G6PD: variants seen among roughly 807,000 people sequenced by gnomAD.
The protein encoded by G6PD is glucose-6-phosphate dehydrogenase.
G6PD carries 2 observed loss-of-function variants against 38.2 expected under a neutral mutation model. The observed-to-expected ratio is 0.05, with a 90% CI of 0.02 to 0.16. G6PD has a LOEUF of 0.16. Ranked by LOEUF, G6PD falls within the 10% of genes least tolerant of loss-of-function variation. G6PD has a pLI of 1.00. For synonymous variants in G6PD, 188 were observed against 196.0 expected (o/e 0.96, Z 0.34); for missense variants, 310 against 471.6 (o/e 0.66, Z 3.17).
At chrX:154,536,589 CT>C (rs2070411067) in intron 2 of G6PD, among the ~76,000 whole-genome samples, 1 of 112,376 alleles carries the variant, frequency 8.9e-6, no homozygotes, top group Admixed American at 9.4e-5. Context: ...AATCCCAGCA[CT>C]TTGGGAGGCT....
At position 154,542,172 on chromosome X, in the gene G6PD, G is replaced by A. The variant is rs2070527558; in HGVS notation, c.120+3864C>T. The A allele has an allele frequency of 7.0e-6, 4 of 573,306 alleles. No individual in the cohort carries two copies. The East Asian group carries it at 1.5e-4, about 22-fold the overall frequency. The allele number at this position is 573,306 out of a possible 1,213,427, so 47.2% of individuals were successfully genotyped here. A position where few individuals can be genotyped will look rare whatever the true frequency, so the allele number is the denominator to read the frequency against. ...TCAGACCAATGGGGAAGTCAGCCCA[G>A]AAATGTTCTGAGGAAAGGGGAGGCG... On this transcript the variant is annotated intron_variant, in intron 2 of 12. Coordinates refer to ENST00000393562, the MANE Select transcript of G6PD (RefSeq NM_001360016.2).
upstream of G6PD, chrX:154,547,163 C>G (rs781841252): frequency 3.2e-5 from 6 of 189,563 alleles, no homozygotes; most frequent in Non-Finnish European, 4.9e-5. Flanking sequence ...CCCCTACTGT[C>G]CGGTTTCCCC....
At chrX:154,541,534 T>C (rs1557231907) in intron 2 of G6PD, 2 of 112,032 alleles carry the variant, frequency 1.8e-5, no homozygotes, top group Non-Finnish European at 3.8e-5. Context: ...GATGCTCTAG[T>C]GGGACTTTCT....
At chrX:154,540,638 G>GAAAA (rs34859682) in intron 2 of G6PD, among the ~76,000 whole-genome samples, 2 of 64,390 alleles carry the variant, frequency 3.1e-5, no homozygotes, top group Non-Finnish European at 5.4e-5. Context: ...TCCATGTCAC[G>GAAAA]AAAAAAAAAA....
At position 154,533,440 on chromosome X, in the gene G6PD, G is replaced by A. The variant is rs2070366166; in HGVS notation, c.864+136C>T. Reference sequence around the variant, plus strand: ...CTGCCAGTCCAGGTCACCTCCGGGAGGCCACGCTGTGCTCAGAGGTGGTGA... The same window carrying A: ...CTGCCAGTCCAGGTCACCTCCGGGAAGCCACGCTGTGCTCAGAGGTGGTGA... On this transcript the variant is annotated intron_variant, in intron 8 of 12. Coordinates refer to ENST00000393562, the MANE Select transcript of G6PD (RefSeq NM_001360016.2). The A allele has an allele frequency of 1.8e-5, 14 of 774,635 alleles. No homozygotes were observed. In the South Asian group the frequency reaches 1.8e-4, roughly 10 times the overall value. The allele number at this position is 774,635 out of a possible 1,213,427, so 63.8% of individuals were successfully genotyped here.
At position 154,534,511 on chromosome X, in the gene G6PD, G is replaced by A; in HGVS notation, c.486-15C>T. The A allele has an allele frequency of 8.3e-7, 1 of 1,210,379 alleles. No individual in the cohort carries two copies. The highest frequency in any genetic ancestry group is 1.1e-6 in the Non-Finnish European group (1 of 895,330). On this transcript the variant is annotated splice_polypyrimidine_tract_variant and intron_variant, in intron 5 of 12. Transcript: ENST00000393562. ...GGTTCCAGCCTCTGCTGGGAGCCCG[G>A]AGCTGCGTTACCCCCTTGAACCCCT...
chrX:154,542,223 AG>A (rs1557232075), intron 2 of G6PD: 1 of 912,739 alleles, frequency 1.1e-6, no homozygotes, highest in Non-Finnish European at 1.5e-6. Flanking sequence ...TCCCTCCCAC[AG>A]GCCCATCATT....
intron 2 of G6PD, 42 bp from the exon 3 acceptor site, chrX:154,536,220 G>A: frequency 1.7e-6 from 2 of 1,169,513 alleles, no homozygotes; most frequent in Non-Finnish European, 2.3e-6. Context: ...AGTGGCTGGG[G>A]ACACGACCTA....
intron 2 of G6PD, among the ~76,000 whole-genome samples, chrX:154,544,201 C>T (rs2070617884): frequency 9.7e-6 from 1 of 102,898 alleles, no homozygotes; most frequent in African/African-American, 3.6e-5. Flanking sequence ...CTCGCTCTGT[C>T]GCCAGGCTGG....
In G6PD at chrX:154,533,606, G is replaced by A. The variant is rs2070368981; in HGVS notation, c.834C>T (p.Ser278=). 6 of 1,210,876 alleles carry A rather than the reference G, an allele frequency of 5.0e-6. No individual in the cohort carries two copies. Among genetic ancestry groups the A allele is most frequent in the South Asian group, 3.5e-5 (2 of 56,921 alleles). The part of the protein sequence containing the change: ...LCLVAMEKPA[S]TNSDDVRDEK... The stretch of plus-strand genomic sequence containing the variant: ...CATCACGGACGTCATCTGAGTTGGT[G>A]GAGGCGGGCTTCTCCATGGCCACCA... The change falls in exon 8 of 13, where the codon TCC becomes TCT. Residue 278 remains serine, a synonymous_variant. Transcript: ENST00000393562.
At chrX:154,534,608 G>C (rs1253983343) in intron 5 of G6PD, 112 bp from the exon 6 acceptor site, 7 of 920,759 alleles carry the variant, frequency 7.6e-6, no homozygotes, top group African/African-American at 1.9e-5. Context: ...GAACCTCCTC[G>C]CCCCCGTGGC....
chrX:154,540,197 G>A (rs782340540), intron 2 of G6PD, among the ~76,000 whole-genome samples: 43 of 109,021 alleles, frequency 3.9e-4, no homozygotes, highest in Non-Finnish European at 6.9e-4. Context: ...CAGGCCAGGC[G>A]CGGTGGCTCA....
intron 2 of G6PD, among the ~76,000 whole-genome samples, chrX:154,538,396 A>G (rs2070435346): frequency 8.9e-6 from 1 of 112,729 alleles, no homozygotes; most frequent in African/African-American, 3.2e-5. Flanking sequence ...ACATCTGTAA[A>G]TAAAAAGTTG....
Position 154,535,822 on chromosome X carries a change from C to T in G6PD, c.267+115G>A. 4 of 599,770 alleles carry T rather than the reference C, an allele frequency of 6.7e-6. No homozygotes were observed. In the Middle Eastern group the frequency reaches 1.4e-3, roughly 207 times the overall value. The allele number at this position is 599,770 out of a possible 1,213,427, so 49.4% of individuals were successfully genotyped here. A position where few individuals can be genotyped will look rare whatever the true frequency, so the allele number is the denominator to read the frequency against. ...AAGTACGAGAGCAGGCGGGGCGGGG[C>T]AGGAGAGGAGGAGAGCATCCCGGGA... On this transcript the variant is annotated intron_variant, in intron 4 of 12. Coordinates refer to ENST00000393562, the MANE Select transcript of G6PD (RefSeq NM_001360016.2).
At position 154,533,629 on chromosome X, in the gene G6PD, C is replaced by T; in HGVS notation, c.811G>A (p.Val271Met). ...QNHLLQMLCLVAMEKPASTNS... is the reference protein window; with the variant it reads ...QNHLLQMLCLMAMEKPASTNS... ...GTGGAGGCGGGCTTCTCCATGGCCA[C>T]CAGACACAGCATCTGCAGTAGGTGG... is the stretch of plus-strand genomic sequence containing the variant. The change falls in exon 8 of 13, where the codon GTG becomes ATG. Residue 271 changes from valine to methionine, a missense_variant. Val to Met is a conservative substitution (Grantham distance 21). Transcript: ENST00000393562. The T allele has an allele frequency of 8.2e-7, 1 of 1,212,125 alleles. No homozygotes were observed. The highest frequency in any genetic ancestry group is 1.8e-5 in the South Asian group (1 of 57,040).
Position 154,540,900 on chromosome X carries a change from C to T in G6PD, c.121-4722G>A, listed in dbSNP as rs187223853. 2.7e-4 allele frequency among the ~76,000 whole-genome samples: 30 copies of T among 111,200 alleles called. No individual in the cohort carries two copies. The Admixed American group carries it at 2.8e-3, about 10-fold the overall frequency. ...GGTGAGCTCGGTGCCAGGACTACAG[C>T]GACACGGACCTCTCACTGCTGCACC... On this transcript the variant is annotated intron_variant, in intron 2 of 12. Coordinates refer to ENST00000393562, the MANE Select transcript of G6PD (RefSeq NM_001360016.2).
rs112950723 is a variant in G6PD at position 154,531,728 on chromosome X, C to T, written c.*272G>A. 1 of 426,778 alleles carries T rather than the reference C, an allele frequency of 2.3e-6. No homozygotes were observed. Among genetic ancestry groups the T allele is most frequent in the East Asian group, 4.0e-5 (1 of 25,316 alleles). 35.2% of individuals were successfully genotyped at this position (426,778 alleles called of 1,213,427 possible). A position where few individuals can be genotyped will look rare whatever the true frequency, so the allele number is the denominator to read the frequency against. On this transcript the variant is annotated 3_prime_UTR_variant, in exon 13 of 13. Coordinates refer to ENST00000393562, the MANE Select transcript of G6PD (RefSeq NM_001360016.2). The stretch of plus-strand genomic sequence containing the variant: ...GGACAGACGAATGGGCGCCCTCCTC[C>T]TTCCTTCTGTTGGGCTGGAGTGAGT...
At chrX:154,537,062 T>C (rs1163053008) in intron 2 of G6PD, among the ~76,000 whole-genome samples, 1 of 111,822 alleles carries the variant, frequency 8.9e-6, no homozygotes, top group Non-Finnish European at 1.9e-5. Context: ...TCCCAGCACT[T>C]TGAGAGGCCG....
At chrX:154,533,725 C>T in intron 7 of G6PD, 56 bp from the exon 8 acceptor site, 4 of 1,204,781 alleles carry the variant, frequency 3.3e-6, no homozygotes, top group Non-Finnish European at 4.5e-6. Context: ...TCACCTGGTT[C>T]AAGGGCATGG....
Sources: allele counts gnomAD v4.1 joint callset (sites outside exome capture counted in the v4.1 genomes callset), GRCh38; gene constraint gnomAD v4.1.1; transcripts MANE v1.5; gene names NCBI Gene and HGNC (gene_info 2026-07-23, HGNC 2026-07-21).